The following AFF2 variants were observed in gnomAD, a reference collection of about 807,000 sequenced individuals.
The protein encoded by AFF2 is ALF transcription elongation factor 2.
Under a neutral mutation model 76.9 loss-of-function variants are expected in AFF2, and 14 were observed. The ratio of observed to expected loss-of-function variants is 0.18; its 90% confidence interval spans 0.12 to 0.28. AFF2 has a LOEUF of 0.28. AFF2 is among the 10% of genes least tolerant of loss of function. AFF2 has a pLI of 1.00. For synonymous variants in AFF2, 398 were observed against 366.7 expected (o/e 1.09, Z -0.98); for missense variants, 868 against 1,001.1 (o/e 0.87, Z 1.79).
intron 1 of AFF2, among the ~76,000 whole-genome samples, chrX:148,525,983 C>T (rs2052653497): frequency 1.8e-5 from 2 of 111,227 alleles, no homozygotes; most frequent in African/African-American, 6.5e-5. Flanking sequence ...CCAGTCACAG[C>T]TCAGAGAGAC....
At chrX:148,815,221 CAAAT>C (rs2070250681) in intron 4 of AFF2, among the ~76,000 whole-genome samples, 2 of 111,703 alleles carry the variant, frequency 1.8e-5, no homozygotes, top group African/African-American at 6.5e-5. Flanking sequence ...TTGATGGAGT[CAAAT>C]GAATGAACTA....
At chrX:148,849,240 A>G (rs1259235058) in intron 7 of AFF2, among the ~76,000 whole-genome samples, 1 of 109,851 alleles carries the variant, frequency 9.1e-6, no homozygotes, top group African/African-American at 3.3e-5. Context: ...CTCAGCCATC[A>G]TAGTTGAAAG....
At chrX:148,660,036 A>C (rs1355575665) in intron 2 of AFF2, among the ~76,000 whole-genome samples, 1 of 112,246 alleles carries the variant, frequency 8.9e-6, no homozygotes, top group Non-Finnish European at 1.9e-5. Context: ...TGATTGGAGG[A>C]TAAGCAAACT....
intron 7 of AFF2, among the ~76,000 whole-genome samples, chrX:148,851,171 T>G (rs1329151268): frequency 5.4e-5 from 6 of 112,104 alleles, no homozygotes; most frequent in African/African-American, 1.9e-4. Flanking sequence ...TCTTGACACC[T>G]TCTCAGAGTT....
chrX:148,912,540 A>C (rs1414211402), intron 9 of AFF2, among the ~76,000 whole-genome samples: 2 of 112,151 alleles, frequency 1.8e-5, no homozygotes, highest in East Asian at 2.8e-4. Context: ...GTGATGAAAT[A>C]ATCTATAAAT....
intron 1 of AFF2, among the ~76,000 whole-genome samples, chrX:148,515,037 A>G (rs940912735): frequency 2.7e-5 from 3 of 112,213 alleles, no homozygotes; most frequent in Non-Finnish European, 3.8e-5. Context: ...GGTTGTTATG[A>G]ATGAGACAGC....
chrX:148,542,459 C>G (rs1219716166), intron 1 of AFF2, among the ~76,000 whole-genome samples: 1 of 111,561 alleles, frequency 9.0e-6, no homozygotes, highest in African/African-American at 3.3e-5. Flanking sequence ...CTCTTCTAAC[C>G]TATTTGTGTA....
At chrX:148,700,230 AAATCTCAACTTCCTG>A (rs1557261677) in intron 3 of AFF2, among the ~76,000 whole-genome samples, 1 of 111,422 alleles carries the variant, frequency 9.0e-6, no homozygotes, top group African/African-American at 3.3e-5. Flanking sequence ...AAAAGTTGCC[AAATCTCAACTTCCTG>A]ATGCTCTGTT....
chrX:148,825,067 T>TAC lies in AFF2; in HGVS notation c.1087-12566_1087-12565dup, dbSNP rs1171754310. On this transcript the variant is annotated intron_variant, in intron 4 of 20. Transcript: ENST00000370460. ...ATCTCTAAAACCACACACACACACA[T>TAC]ACACACACACACACAAAATGATGAT... 6.4e-5 allele frequency among the ~76,000 whole-genome samples: 7 copies of TAC among 109,331 alleles called. No homozygotes were observed. The East Asian group carries it at 8.7e-4, about 14-fold the overall frequency. The allele number at this position is 109,331 out of a possible 115,157, so 94.9% of individuals were successfully genotyped here. A position where few individuals can be genotyped will look rare whatever the true frequency, so the allele number is the denominator to read the frequency against.
chrX:148,627,859 C>G (rs1557252318), intron 1 of AFF2, among the ~76,000 whole-genome samples: 1 of 111,792 alleles, frequency 8.9e-6, no homozygotes, highest in Non-Finnish European at 1.9e-5. Context: ...TGATCCTCTA[C>G]TAGGTGAGAT....
At chrX:148,907,094 A>G (rs1557281508) in intron 9 of AFF2, among the ~76,000 whole-genome samples, 1 of 111,961 alleles carries the variant, frequency 8.9e-6, no homozygotes, top group Non-Finnish European at 1.9e-5. Context: ...GGCCCGCCCC[A>G]TCTTGGGAGT....
At chrX:148,772,103 G>T (rs1010974752) in intron 3 of AFF2, among the ~76,000 whole-genome samples, 35 of 111,871 alleles carry the variant, frequency 3.1e-4, no homozygotes, top group Non-Finnish European at 6.0e-4. Context: ...GCCTTTATGG[G>T]CATCCTTACA....
intron 1 of AFF2, among the ~76,000 whole-genome samples, chrX:148,509,929 A>G (rs1047298104): frequency 1.8e-4 from 20 of 111,024 alleles, no homozygotes; most frequent in African/African-American, 6.2e-4. Context: ...GAGCAGCAGG[A>G]CCTCCTGCTT....
chrX:148,872,157 T>C (rs2070984768), intron 7 of AFF2, among the ~76,000 whole-genome samples: 2 of 111,140 alleles, frequency 1.8e-5, no homozygotes, highest in South Asian at 7.6e-4. Flanking sequence ...AAACTTACCA[T>C]TGTAAAGTAT....
At chrX:148,606,033 A>C (rs782303771) in intron 1 of AFF2, among the ~76,000 whole-genome samples, 3 of 112,586 alleles carry the variant, frequency 2.7e-5, no homozygotes, top group Non-Finnish European at 3.8e-5. Context: ...TGACATCTTG[A>C]ACTCTCTGAT....
chrX:148,536,043 AC>A (rs782294698), intron 1 of AFF2, among the ~76,000 whole-genome samples: 2 of 110,073 alleles, frequency 1.8e-5, no homozygotes, highest in South Asian at 8.0e-4. Context: ...ACATGGTGAA[AC>A]CCCGTATCTA....
intron 3 of AFF2, among the ~76,000 whole-genome samples, chrX:148,692,204 A>T (rs980105785): frequency 1.2e-4 from 14 of 112,064 alleles, no homozygotes; most frequent in African/African-American, 4.5e-4. Context: ...CAGGCTCTTG[A>T]AGTTCAATGA....
chrX:148,856,694 C>G (rs1557275923), intron 7 of AFF2, among the ~76,000 whole-genome samples: 1 of 111,894 alleles, frequency 8.9e-6, no homozygotes, highest in African/African-American at 3.2e-5. Context: ...AAAATCACCA[C>G]TGGTATAATT....
In AFF2 at chrX:148,765,854, CT is replaced by C. The variant is rs1230761842; in HGVS notation, c.1042-44021del. 9.0e-5 allele frequency among the ~76,000 whole-genome samples: 6 copies of C among 66,708 alleles called. No individual in the cohort carries two copies. The East Asian group carries it at 3.8e-3, about 42-fold the overall frequency. 57.9% of individuals were successfully genotyped at this position (66,708 alleles called of 115,157 possible). A position where few individuals can be genotyped will look rare whatever the true frequency, so the allele number is the denominator to read the frequency against. On this transcript the variant is annotated intron_variant, in intron 3 of 20. Transcript: ENST00000370460. ...TATCTCCCAATGCTATCCCTCCCCCCTCCCCCCACCCCACAACAGTCCCCAG... is the reference window on the plus strand; with the variant it reads ...TATCTCCCAATGCTATCCCTCCCCCCCCCCCCACCCCACAACAGTCCCCAG...
Sources: allele counts gnomAD v4.1 joint callset (sites outside exome capture counted in the v4.1 genomes callset), GRCh38; gene constraint gnomAD v4.1.1; transcripts MANE v1.5; gene names NCBI Gene and HGNC (gene_info 2026-07-23, HGNC 2026-07-21).